The following GRIK1 variants were observed in gnomAD, a reference collection of about 807,000 sequenced individuals.
GRIK1 encodes glutamate receptor ionotropic, kainate 1.
A neutral mutation model predicts 105.7 loss-of-function variants in GRIK1; 69 were observed. The observed-to-expected ratio is 0.65, with a 90% CI of 0.54 to 0.80. The LOEUF is 0.80. Ranked by LOEUF, GRIK1 falls within the 30% of genes least tolerant of loss-of-function variation. The pLI is 0.00. For missense variants in GRIK1, 1,109 were observed against 1,167.3 expected (o/e 0.95, Z 0.73); for synonymous variants, 438 against 431.3 (o/e 1.02, Z -0.19).
rs1331026471 is a variant in GRIK1, at chr21:29,581,512, G to A, written c.1825C>T (p.Pro609Ser). 7 of 1,610,252 alleles carry A rather than the reference G, an allele frequency of 4.3e-6. No individual in the cohort carries two copies. In the African/African-American group the frequency reaches 9.4e-5, roughly 22 times the overall value. The change falls in exon 13 of 18, where the codon CCA becomes TCA. Residue 609 changes from proline (P) to serine (S), a missense_variant. By Grantham distance (74) the Pro-to-Ser change is moderately conservative. Around this residue, in one of 5 missense-constraint regions of GRIK1, gnomAD observed 264 missense variants for 306.9 expected, o/e 0.86. Coordinates refer to ENST00000327783, the MANE Select transcript of GRIK1 (RefSeq NM_001330994.2). ...FTPYEWYNPH[P>S]CNPDSDVVEN... Reference sequence around the variant, plus strand: ...ACCACGTCTGAGTCAGGGTTGCATGGGTGGGGGTTATACCACTCGTAGGGT... The same window carrying A: ...ACCACGTCTGAGTCAGGGTTGCATGAGTGGGGGTTATACCACTCGTAGGGT...
At chr21:29,882,909 G>A (rs10470159) in intron 1 of GRIK1, among the ~76,000 whole-genome samples, 12,015 of 151,922 alleles carry the variant, frequency 0.079, 1,244 homozygotes, top group African/African-American at 0.24. Context: ...CTAATAACCA[G>A]GGGCTGCAAC....
At chr21:29,805,230 TG>T (rs1463758092) in intron 1 of GRIK1, among the ~76,000 whole-genome samples, 1 of 152,164 alleles carries the variant, frequency 6.6e-6, no homozygotes, top group Non-Finnish European at 1.5e-5. Context: ...GAGCAGGCTT[TG>T]CTCACTCATT....
intron 1 of GRIK1, among the ~76,000 whole-genome samples, chr21:29,751,900 C>T (rs1000302650): frequency 2.0e-5 from 3 of 152,314 alleles, no homozygotes; most frequent in Non-Finnish European, 4.4e-5. Flanking sequence ...TCTTTCCTAC[C>T]TGCCTGTAAC....
In GRIK1 at chr21:29,845,442, T is replaced by A. The variant is rs149229536; in HGVS notation, c.118+93941A>T. Reference sequence around the variant, plus strand: ...CTGTCATGTTTCTGTGGTTTTTATTTCTGTTAATCCTGCGTTGGTTACTCA... The same window carrying A: ...CTGTCATGTTTCTGTGGTTTTTATTACTGTTAATCCTGCGTTGGTTACTCA... On this transcript the variant is annotated intron_variant, in intron 1 of 17. Coordinates refer to ENST00000327783, the MANE Select transcript of GRIK1 (RefSeq NM_001330994.2). Among the ~76,000 whole-genome samples the A allele has an allele frequency of 5.3e-3, 805 of 152,294 alleles. 7 individuals are homozygous for A. The highest frequency in any genetic ancestry group is 0.019 in the African/African-American group (785 of 41,580).
At chr21:29,789,607 G>A (rs955276248) in intron 1 of GRIK1, among the ~76,000 whole-genome samples, 1 of 152,186 alleles carries the variant, frequency 6.6e-6, no homozygotes, top group Non-Finnish European at 1.5e-5. Context: ...CACGGAGTAA[G>A]CATTTTCCCT....
At chr21:29,806,226 C>A (rs1227505335) in intron 1 of GRIK1, among the ~76,000 whole-genome samples, 2 of 151,982 alleles carry the variant, frequency 1.3e-5, no homozygotes, top group Non-Finnish European at 2.9e-5. Flanking sequence ...ATTAATTGAA[C>A]TTTTCATTGA....
At chr21:29,850,631 C>T (rs1183585269) in intron 1 of GRIK1, among the ~76,000 whole-genome samples, 1 of 152,190 alleles carries the variant, frequency 6.6e-6, no homozygotes, top group African/African-American at 2.4e-5. Flanking sequence ...GTGCTCATAA[C>T]ATCTTGTATT....
intron 1 of GRIK1, among the ~76,000 whole-genome samples, chr21:29,744,867 G>A (rs1486255588): frequency 1.3e-5 from 2 of 151,974 alleles, no homozygotes; most frequent in Non-Finnish European, 2.9e-5. Context: ...TGAGGTAGGA[G>A]ACACTTTGAC....
intron 14 of GRIK1, among the ~76,000 whole-genome samples, chr21:29,569,568 C>T (rs1330477634): frequency 6.6e-6 from 1 of 152,204 alleles, no homozygotes; most frequent in Non-Finnish European, 1.5e-5. Context: ...GAGAAGAAGA[C>T]TAGCTGGTAT....
intron 13 of GRIK1, among the ~76,000 whole-genome samples, chr21:29,580,019 GTATATATGTA>G (rs1385043698): frequency 2.5e-5 from 3 of 119,788 alleles, no homozygotes; most frequent in Non-Finnish European, 4.8e-5. Context: ...ATATATATGT[GTATATATGTA>G]TATATGTGTA....
chr21:29,637,101 T>C (rs1052054307), intron 7 of GRIK1, among the ~76,000 whole-genome samples: 5 of 152,216 alleles, frequency 3.3e-5, no homozygotes, highest in African/African-American at 7.2e-5. Flanking sequence ...ACTGAGATTA[T>C]AGACAAATGT....
In GRIK1 at chr21:29,558,236, G is replaced by C. The variant is rs145078021; in HGVS notation, c.2357-2934C>G. Among the ~76,000 whole-genome samples the C allele has an allele frequency of 2.4e-4, 37 of 152,194 alleles. 1 individual carries two copies. In the East Asian group the frequency reaches 5.4e-3, roughly 22 times the overall value. ...GCCATAAGGGAGTTAGTCAGGGCAA[G>C]ACTAGAAGTGTACAGATAATTTTTA... On this transcript the variant is annotated intron_variant, in intron 15 of 17. Coordinates refer to ENST00000327783, the MANE Select transcript of GRIK1 (RefSeq NM_001330994.2).
At chr21:29,736,003 C>T (rs1006787078) in intron 1 of GRIK1, among the ~76,000 whole-genome samples, 3 of 151,988 alleles carry the variant, frequency 2.0e-5, no homozygotes, top group Non-Finnish European at 4.4e-5. Flanking sequence ...ATGTTTTTCC[C>T]TAGCACGACC....
chr21:29,890,388 T>C (rs1334675903), intron 1 of GRIK1, among the ~76,000 whole-genome samples: 1 of 152,160 alleles, frequency 6.6e-6, no homozygotes, highest in East Asian at 1.9e-4. Flanking sequence ...GCTTTAGTTT[T>C]GCTTTCTGCT....
intron 1 of GRIK1, among the ~76,000 whole-genome samples, chr21:29,902,236 T>C (rs961953985): frequency 5.3e-5 from 8 of 152,132 alleles, no homozygotes; most frequent in African/African-American, 1.7e-4. Flanking sequence ...AAAACCGGCA[T>C]AAGACAAGGA....
chr21:29,705,608 G>C (rs534044856), intron 1 of GRIK1, among the ~76,000 whole-genome samples: 1 of 152,252 alleles, frequency 6.6e-6, no homozygotes, highest in South Asian at 2.1e-4. Flanking sequence ...TGAAAAGTTA[G>C]ACATCAGGTT....
In GRIK1 at chr21:29,587,347, C is replaced by T. The variant is rs767550681; in HGVS notation, c.1793+19G>A. ...GACTGACCTACACCTCTTGTGAATT[C>T]AGTGATTCTCAAACTTACCTTGCAA... On this transcript the variant is annotated intron_variant, in intron 12 of 17. Coordinates refer to ENST00000327783, the MANE Select transcript of GRIK1 (RefSeq NM_001330994.2). 3 of 1,484,822 alleles carry T rather than the reference C, an allele frequency of 2.0e-6. No homozygotes were observed. Among genetic ancestry groups the T allele is most frequent in the Non-Finnish European group, 2.8e-6 (3 of 1,062,406 alleles). 92.0% of individuals were successfully genotyped at this position (1,484,822 alleles called of 1,614,324 possible).
At chr21:29,660,499 A>C (rs1452867496) in intron 4 of GRIK1, among the ~76,000 whole-genome samples, 1 of 152,198 alleles carries the variant, frequency 6.6e-6, no homozygotes, top group Non-Finnish European at 1.5e-5. Context: ...AGAGCTATGG[A>C]GACAGCAATG....
intron 1 of GRIK1, among the ~76,000 whole-genome samples, chr21:29,792,325 A>T (rs557809012): frequency 6.6e-6 from 1 of 152,326 alleles, no homozygotes; most frequent in African/African-American, 2.4e-5. Context: ...TATGACACAG[A>T]TGGAATTATG....
Sources: gnomAD v4.1 joint callset for allele counts (sites outside exome capture counted in the v4.1 genomes callset) on GRCh38, gnomAD v4.1.1 for gene constraint, gnomAD v4.1.1 regional missense constraint, MANE v1.5 for transcripts, NCBI Gene and HGNC (gene_info 2026-07-23, HGNC 2026-07-21) for gene names.